The following DCDC2 variants were observed in gnomAD, a reference collection of about 807,000 sequenced individuals.
The protein encoded by DCDC2 is doublecortin domain containing 2.
Under a neutral mutation model 50.2 loss-of-function variants are expected in DCDC2, and 40 were observed. The observed-to-expected ratio is 0.80, with a 90% CI of 0.62 to 1.04. The LOEUF is 1.04. DCDC2 is among the 50% of genes least tolerant of loss of function. The pLI is 0.00. For missense variants in DCDC2, 570 were observed against 581.9 expected, an observed-to-expected ratio of 0.98 and a Z score of 0.21; for synonymous variants, 234 against 210.6, an observed-to-expected ratio of 1.11 and a Z score of -0.96.
At chr6:24,255,927 G>C (rs1186523948) in intron 7 of DCDC2, among the ~76,000 whole-genome samples, 1 of 152,022 alleles carries the variant, frequency 6.6e-6, no homozygotes, top group African/African-American at 2.4e-5. Context: ...CTGACTAGAG[G>C]AAAATCGAAA....
At chr6:24,289,437 G>A (rs980455501) in intron 5 of DCDC2, among the ~76,000 whole-genome samples, 1 of 152,072 alleles carries the variant, frequency 6.6e-6, no homozygotes, top group Non-Finnish European at 1.5e-5. Flanking sequence ...TGTATTATTA[G>A]GAAAAGACCC....
At chr6:24,285,866 T>A (rs1763595301) in intron 6 of DCDC2, among the ~76,000 whole-genome samples, 1 of 152,212 alleles carries the variant, frequency 6.6e-6, no homozygotes, top group Non-Finnish European at 1.5e-5. Flanking sequence ...AATTTATTGA[T>A]CAATTTATTC....
the DCDC2 span, among the ~76,000 whole-genome samples, chr6:24,372,764 C>A: frequency 6.7e-6 from 1 of 149,232 alleles, no homozygotes; most frequent in Admixed American, 6.7e-5. Flanking sequence ...CGGGGCCAGT[C>A]GTGGGGTGGG....
At position 24,230,029 on chromosome 6, in the gene DCDC2, CCAAAAGTA is replaced by C. The variant is rs1369315699; in HGVS notation, c.923-24935_923-24928del. ...GAAATCCTCTTCCAACCTCTAAGTC[CCAAAAGTA>C]AACAGCTCTTGCCAGAGTTTTCTAA... On this transcript the variant is annotated intron_variant, in intron 7 of 9. Coordinates refer to ENST00000378454, the MANE Select transcript of DCDC2 (RefSeq NM_016356.5). Among the ~76,000 whole-genome samples the C allele has an allele frequency of 5.7e-3, 869 of 152,262 alleles. 12 individuals carry two copies. The highest frequency in any genetic ancestry group is 0.02 in the African/African-American group (823 of 41,540).
At chr6:24,339,500 C>T (rs780174053) in intron 2 of DCDC2, among the ~76,000 whole-genome samples, 2 of 152,096 alleles carry the variant, frequency 1.3e-5, no homozygotes, top group Non-Finnish European at 1.5e-5. Flanking sequence ...ACCACCAAAA[C>T]GTGAGAGCCA....
intron 8 of DCDC2, among the ~76,000 whole-genome samples, chr6:24,184,174 TTAA>T (rs1196752480): frequency 6.6e-6 from 1 of 152,170 alleles, no homozygotes; most frequent in Non-Finnish European, 1.5e-5. Context: ...TTTCCTTAAA[TTAA>T]TAACCAAACA....
At chr6:24,287,149 C>G (rs575107821) in intron 6 of DCDC2, among the ~76,000 whole-genome samples, 1 of 152,302 alleles carries the variant, frequency 6.6e-6, no homozygotes, top group South Asian at 2.1e-4. Flanking sequence ...TATTCAAGGT[C>G]ATGTAATAAC....
At chr6:24,344,171 T>C (rs1032261152) in intron 2 of DCDC2, among the ~76,000 whole-genome samples, 2 of 152,092 alleles carry the variant, frequency 1.3e-5, no homozygotes, top group African/African-American at 2.4e-5. Flanking sequence ...CTTCTATGAG[T>C]TTGACTTTTT....
intron 2 of DCDC2, among the ~76,000 whole-genome samples, chr6:24,326,278 A>G (rs1399489172): frequency 1.3e-5 from 2 of 148,638 alleles, no homozygotes; most frequent in African/African-American, 4.9e-5. Flanking sequence ...GATACCTACC[A>G]CCTCTCTTTT....
At chr6:24,200,642 C>A (rs1761564620) in intron 8 of DCDC2, among the ~76,000 whole-genome samples, 1 of 152,122 alleles carries the variant, frequency 6.6e-6, no homozygotes, top group Admixed American at 6.5e-5. Context: ...AAAATTCACA[C>A]ATAACAATAT....
At chr6:24,287,894 G>A (rs180957389) in intron 6 of DCDC2, among the ~76,000 whole-genome samples, 1 of 152,256 alleles carries the variant, frequency 6.6e-6, no homozygotes, top group East Asian at 1.9e-4. Context: ...AGTTGCTTGA[G>A]GGCAAGAGCT....
At chr6:24,298,885 TACA>T (rs1185713995) in intron 4 of DCDC2, among the ~76,000 whole-genome samples, 1 of 152,198 alleles carries the variant, frequency 6.6e-6, no homozygotes, top group African/African-American at 2.4e-5. Flanking sequence ...TGAAACTTAA[TACA>T]ACAATTCAAC....
At chr6:24,187,459 T>C (rs551146057) in intron 8 of DCDC2, among the ~76,000 whole-genome samples, 1 of 152,310 alleles carries the variant, frequency 6.6e-6, no homozygotes, top group South Asian at 2.1e-4. Flanking sequence ...TGTGCCCTCC[T>C]AATACTTGCT....
chr6:24,184,944 T>C (rs1761157303), intron 8 of DCDC2, among the ~76,000 whole-genome samples: 1 of 152,238 alleles, frequency 6.6e-6, no homozygotes, highest in African/African-American at 2.4e-5. Flanking sequence ...TTTAGGATTC[T>C]GGATATGGTC....
At position 24,357,438 on chromosome 6, in the gene DCDC2, G is replaced by T. The variant is rs772875683; in HGVS notation, c.293+20C>A. 1.3e-6 allele frequency: 2 copies of T among 1,580,212 alleles called. No individual in the cohort carries two copies. The highest frequency in any genetic ancestry group is 1.7e-5 in the Admixed American group (1 of 57,194). ...CTATAGGGCACCTAAATGGGTGGGC[G>T]GTGGGGGAGACCGACTCACTTGAGT... On this transcript the variant is annotated intron_variant, in intron 1 of 9. Coordinates refer to ENST00000378454, the MANE Select transcript of DCDC2 (RefSeq NM_016356.5).
intron 2 of DCDC2, among the ~76,000 whole-genome samples, chr6:24,309,416 T>C (rs1759532775): frequency 6.6e-6 from 1 of 151,838 alleles, no homozygotes; most frequent in African/African-American, 2.4e-5. Context: ...AAAACTAAAA[T>C]ATTTAATAGG....
At chr6:24,248,501 T>C (rs1271048865) in intron 7 of DCDC2, among the ~76,000 whole-genome samples, 2 of 152,056 alleles carry the variant, frequency 1.3e-5, no homozygotes, top group Non-Finnish European at 2.9e-5. Flanking sequence ...AGTGGTAGTA[T>C]TAGTATTGGT....
intron 8 of DCDC2, among the ~76,000 whole-genome samples, chr6:24,202,416 T>C (rs752871435): frequency 6.6e-6 from 1 of 152,148 alleles, no homozygotes; most frequent in South Asian, 2.1e-4. Context: ...GAAAAGGCCT[T>C]TGATAAAATT....
At chr6:24,179,242 C>T (rs373042395) in intron 8 of DCDC2, among the ~76,000 whole-genome samples, 2 of 152,160 alleles carry the variant, frequency 1.3e-5, no homozygotes, top group East Asian at 3.9e-4. Context: ...TATATGTCCT[C>T]TCTGTAAGAA....
Sources: gnomAD v4.1 joint callset for allele counts (sites outside exome capture counted in the v4.1 genomes callset) on GRCh38, gnomAD v4.1.1 for gene constraint, MANE v1.5 for transcripts, NCBI Gene and HGNC (gene_info 2026-07-23, HGNC 2026-07-21) for gene names.